LEKR1: variants seen among roughly 807,000 people sequenced by gnomAD.
LEKR1 encodes the protein leucine, glutamate and lysine rich 1.
LEKR1 carries 59 observed loss-of-function variants against 72.4 expected under a neutral mutation model. The observed-to-expected ratio is 0.82, with a 90% CI of 0.66 to 1.01. LEKR1 has a LOEUF of 1.01. LEKR1 is among the 50% of genes least tolerant of loss of function. The probability of loss-of-function intolerance (pLI) is 0.00; values close to 1 mark genes in which losing one functional copy is unlikely to be tolerated. For synonymous variants in LEKR1, 257 were observed against 263.2 expected (o/e 0.98, Z 0.23); for missense variants, 728 against 759.2 (o/e 0.96, Z 0.48).
At chr3:157,007,608 T>C (rs1322499661) in intron 9 of LEKR1, among the ~76,000 whole-genome samples, 2 of 152,168 alleles carry the variant, frequency 1.3e-5, no homozygotes, top group East Asian at 1.9e-4. Flanking sequence ...TGTTCTGCCA[T>C]TGAAATGTGA....
intron 11 of LEKR1, among the ~76,000 whole-genome samples, chr3:157,026,064 A>T (rs961220303): frequency 6.6e-6 from 1 of 151,122 alleles, no homozygotes; most frequent in Non-Finnish European, 1.5e-5. Context: ...AGAAAAAAAA[A>T]AATCTTAGTG....
At chr3:156,878,221 G>A (rs1306497030) in intron 3 of LEKR1, among the ~76,000 whole-genome samples, 1 of 151,776 alleles carries the variant, frequency 6.6e-6, no homozygotes, top group East Asian at 1.9e-4. Flanking sequence ...ACCTTAGATT[G>A]TTTATTTATC....
At chr3:157,043,395 C>G (rs1225953302) in intron 12 of LEKR1, among the ~76,000 whole-genome samples, 1 of 151,344 alleles carries the variant, frequency 6.6e-6, no homozygotes, top group Non-Finnish European at 1.5e-5. Flanking sequence ...TTAAAAGAAA[C>G]TTTGATTAAT....
At chr3:156,843,451 C>CT (rs1386335987) in intron 2 of LEKR1, among the ~76,000 whole-genome samples, 1 of 151,738 alleles carries the variant, frequency 6.6e-6, no homozygotes, top group Non-Finnish European at 1.5e-5. Context: ...TTCAGGAAAT[C>CT]TTTATTACCA....
Position 156,972,309 on chromosome 3 carries a change from G to C in LEKR1, c.746-6885G>C, listed in dbSNP as rs534015383. Among the ~76,000 whole-genome samples the C allele has an allele frequency of 3.3e-5, 5 of 151,836 alleles. No individual in the cohort carries two copies. The South Asian group carries it at 1.0e-3, about 32-fold the overall frequency. ...TGAACAATGAGAATACATGGACACAGGAAGGGGAACATCACACACACGGGG... is the reference window on the plus strand; with the variant it reads ...TGAACAATGAGAATACATGGACACACGAAGGGGAACATCACACACACGGGG... On this transcript the variant is annotated intron_variant, in intron 6 of 12. Coordinates refer to ENST00000356539, the MANE Select transcript of LEKR1 (RefSeq NM_001004316.3).
At chr3:156,994,401 G>T (rs145359639) in intron 9 of LEKR1, among the ~76,000 whole-genome samples, 1 of 151,988 alleles carries the variant, frequency 6.6e-6, no homozygotes, top group African/African-American at 2.4e-5. Context: ...CTTATCTCTC[G>T]TCCGTCCTGG....
At chr3:156,984,924 C>G (rs1203197298) in intron 7 of LEKR1, among the ~76,000 whole-genome samples, 1 of 151,880 alleles carries the variant, frequency 6.6e-6, no homozygotes, top group African/African-American at 2.4e-5. Flanking sequence ...GTTCTTGGGA[C>G]AGTCTCTATT....
At chr3:156,834,355 T>G (rs1712833233) in intron 2 of LEKR1, among the ~76,000 whole-genome samples, 1 of 152,182 alleles carries the variant, frequency 6.6e-6, no homozygotes, top group South Asian at 2.1e-4. Flanking sequence ...ATCAATGTAT[T>G]ATAAATCTTT....
At chr3:157,040,549 G>T (rs948298651) in intron 12 of LEKR1, among the ~76,000 whole-genome samples, 1 of 152,206 alleles carries the variant, frequency 6.6e-6, no homozygotes, top group Non-Finnish European at 1.5e-5. Flanking sequence ...TAGTTGAACA[G>T]AAGCCTGGAA....
intron 6 of LEKR1, among the ~76,000 whole-genome samples, chr3:156,951,426 C>T (rs560113189): frequency 2.0e-5 from 3 of 151,610 alleles, no homozygotes; most frequent in Admixed American, 6.6e-5. Context: ...AGTTTCACTA[C>T]GAATGGTTCC....
chr3:156,978,531 A>G (rs1729899953), intron 6 of LEKR1, among the ~76,000 whole-genome samples: 1 of 152,212 alleles, frequency 6.6e-6, no homozygotes, highest in African/African-American at 2.4e-5. Flanking sequence ...AAGGACTTAG[A>G]TAATTCAAGC....
intron 12 of LEKR1, among the ~76,000 whole-genome samples, chr3:157,033,239 T>A (rs1577023310): frequency 6.6e-6 from 1 of 152,138 alleles, no homozygotes; most frequent in African/African-American, 2.4e-5. Context: ...TCACTTTAAG[T>A]CAAAAGGCAG....
At chr3:156,955,810 T>TTTG (rs75693810) in intron 6 of LEKR1, among the ~76,000 whole-genome samples, 5,505 of 151,786 alleles carry the variant, frequency 0.036, 123 homozygotes, top group Non-Finnish European at 0.047. Context: ...AAGTTTTCTT[T>TTTG]TTGTTGTTGT....
intron 10 of LEKR1, among the ~76,000 whole-genome samples, chr3:157,019,914 A>C (rs1733673862): frequency 6.6e-6 from 1 of 152,224 alleles, no homozygotes; most frequent in Non-Finnish European, 1.5e-5. Context: ...GGCTCTTAGC[A>C]TCCCACTGCA....
chr3:156,973,817 G>A (rs1353798428), intron 6 of LEKR1, among the ~76,000 whole-genome samples: 3 of 152,076 alleles, frequency 2.0e-5, no homozygotes, highest in African/African-American at 7.2e-5. Context: ...TTAAACCAGA[G>A]ACACTACTTT....
chr3:156,983,596 A>T (rs1730416279), intron 7 of LEKR1, among the ~76,000 whole-genome samples: 1 of 152,084 alleles, frequency 6.6e-6, no homozygotes, highest in Non-Finnish European at 1.5e-5. Context: ...CATATGGACC[A>T]TTTAAGCCAG....
intron 3 of LEKR1, among the ~76,000 whole-genome samples, chr3:156,880,809 A>G (rs2108551705): frequency 6.6e-6 from 1 of 152,338 alleles, no homozygotes; most frequent in Non-Finnish European, 1.5e-5. Flanking sequence ...ACCATAATCA[A>G]GTGGGCTTCA....
At chr3:157,030,023 G>T (rs1182517888) in intron 12 of LEKR1, among the ~76,000 whole-genome samples, 1 of 152,158 alleles carries the variant, frequency 6.6e-6, no homozygotes, top group East Asian at 1.9e-4. Context: ...ATAAAGAAAA[G>T]AGGTTTAGTT....
intron 3 of LEKR1, among the ~76,000 whole-genome samples, chr3:156,896,215 G>A (rs1283347075): frequency 6.6e-6 from 1 of 152,086 alleles, no homozygotes; most frequent in Non-Finnish European, 1.5e-5. Flanking sequence ...ATGGTGAGGG[G>A]AGAGCCTCAG....
Sources: allele counts gnomAD v4.1 joint callset (sites outside exome capture counted in the v4.1 genomes callset), GRCh38; gene constraint gnomAD v4.1.1; transcripts MANE v1.5; gene names NCBI Gene and HGNC (gene_info 2026-07-23, HGNC 2026-07-21).